Variants in GRAMD2B observed in about 807,000 individuals in gnomAD.
GRAMD2B encodes GRAM domain-containing protein 2B.
In GRAMD2B, 41 loss-of-function variants were observed where a neutral mutation model predicts 59.2. The ratio of observed to expected loss-of-function variants is 0.69; its 90% confidence interval spans 0.54 to 0.90. The LOEUF is 0.90. GRAMD2B is among the 40% of genes least tolerant of loss of function. GRAMD2B has a pLI of 0.00. For missense variants in GRAMD2B, 424 were observed against 500.5 expected (o/e 0.85, Z 1.46); for synonymous variants, 161 against 182.7 (o/e 0.88, Z 0.96).
At chr5:126,438,639 C>T (rs901728157) in intron 1 of GRAMD2B, among the ~76,000 whole-genome samples, 57 of 152,022 alleles carry the variant, frequency 3.7e-4, no homozygotes, top group Non-Finnish European at 1.2e-4. Context: ...GTCTAGGCAC[C>T]GTTGAGGGCC....
In GRAMD2B at chr5:126,485,669, T is replaced by TG. The variant is rs1772770629; in HGVS notation, c.971-16dup. ...GTTATGGTTTTAAACAGTTGTTTTT[T>TG]GTTTTCCTCCCAACAGGTCTGTCAG... On this transcript the variant is annotated splice_polypyrimidine_tract_variant and intron_variant, in intron 10 of 13. Transcript: ENST00000285689. 9 of 1,565,534 alleles carry TG rather than the reference T, an allele frequency of 5.7e-6. No homozygotes were observed. The highest frequency in any genetic ancestry group is 8.8e-7 in the Non-Finnish European group (1 of 1,138,822).
intron 1 of GRAMD2B, among the ~76,000 whole-genome samples, chr5:126,412,002 T>C (rs1033587071): frequency 6.6e-6 from 1 of 151,984 alleles, no homozygotes; most frequent in African/African-American, 2.4e-5. Flanking sequence ...GTTCCAGGAG[T>C]CTTTAGGCAG....
rs777338957 is a variant in GRAMD2B at position 126,473,295 on chromosome 5, T to C, written c.413T>C (p.Leu138Pro). 1.3e-6 allele frequency: 2 copies of C among 1,516,218 alleles called. No homozygotes were observed. The highest frequency in any genetic ancestry group is 8.9e-7 in the Non-Finnish European group (1 of 1,118,770). The allele number at this position is 1,516,218 out of a possible 1,614,324, so 93.9% of individuals were successfully genotyped here. ...SFTCALQKEI[L>P]YQGKLFVSEN... ...ACCTGTGCTCTACAGAAAGAAATAC[T>C]ATACCAAGGAAAGCTCTTTGTATCA... The change falls in exon 5 of 14, where the codon CTA becomes CCA. Residue 138 changes from leucine (L) to proline (P), a missense_variant. Physicochemically the swap from Leu to Pro is moderately conservative, Grantham distance 98. Coordinates refer to ENST00000285689, the MANE Select transcript of GRAMD2B (RefSeq NM_023927.4).
chr5:126,420,508 AC>A (rs1373494712), upstream of GRAMD2B, among the ~76,000 whole-genome samples: 17 of 152,240 alleles, frequency 1.1e-4, no homozygotes, highest in African/African-American at 4.1e-4. Context: ...CTTCAACCTC[AC>A]CTGCTCCTTC....
At chr5:126,473,453 G>A (rs11746520) in intron 5 of GRAMD2B, 85 bp downstream of exon 5, 136,307 of 440,664 alleles carry the variant, frequency 0.31, 22,753 homozygotes, top group African/African-American at 0.5. Flanking sequence ...AGCTATATTT[G>A]TAGATATTTG....
At position 126,452,834 on chromosome 5, in the gene GRAMD2B, G is replaced by A. The variant is rs868060889; in HGVS notation, c.84-12592G>A. On this transcript the variant is annotated intron_variant, in intron 1 of 13. Coordinates refer to ENST00000285689, the MANE Select transcript of GRAMD2B (RefSeq NM_023927.4). ...TTCCAAATTGGTTTCCTTTATGATA[G>A]ACCTCACTAAGTAATGAAAAATTTC... is the stretch of plus-strand genomic sequence containing the variant. 4.1e-4 allele frequency among the ~76,000 whole-genome samples: 63 copies of A among 152,092 alleles called. 1 individual carries two copies. In the Middle Eastern group the frequency reaches 0.014, roughly 33 times the overall value.
At chr5:126,374,467 T>C (rs897011556) in intron 1 of GRAMD2B, among the ~76,000 whole-genome samples, 10 of 152,212 alleles carry the variant, frequency 6.6e-5, no homozygotes, top group African/African-American at 2.4e-4. Context: ...GACGCTGATC[T>C]TTTGTTATGT....
At position 126,473,265 on chromosome 5, in the gene GRAMD2B, G is replaced by A; in HGVS notation, c.383G>A (p.Ser128Asn). 2 of 1,289,998 alleles carry A rather than the reference G, an allele frequency of 1.6e-6. No individual in the cohort carries two copies. Among genetic ancestry groups the A allele is most frequent in the Admixed American group, 2.6e-5 (1 of 38,716 alleles). The allele number at this position is 1,289,998 out of a possible 1,614,324, so 79.9% of individuals were successfully genotyped here. The change falls in exon 5 of 14, where the codon AGC becomes AAC. Residue 128 changes from serine (S) to asparagine (N), a missense_variant and splice_region_variant. By Grantham distance (46) the Ser-to-Asn change is conservative. Transcript: ENST00000285689. ...SVPTEEPLKQ[S>N]FTCALQKEIL... ...GCTGTGCCTGTGTATATTTTCCCAG[G>A]CTTTACCTGTGCTCTACAGAAAGAA... is the stretch of plus-strand genomic sequence containing the variant.
intron 2 of GRAMD2B, 77 bp downstream of exon 2, chr5:126,465,622 T>G: frequency 7.5e-7 from 1 of 1,327,604 alleles, no homozygotes; most frequent in South Asian, 1.3e-5. Context: ...AGGGGTTTTT[T>G]GTTAAGAGTG....
At chr5:126,465,340 T>C in intron 1 of GRAMD2B, 86 bp from the exon 2 acceptor site, 1 of 1,592,234 alleles carries the variant, frequency 6.3e-7, no homozygotes, top group Non-Finnish European at 8.5e-7. Flanking sequence ...CATTCCATTC[T>C]CTAGAAAACC....
chr5:126,363,316 A>G (rs1006823300), intron 1 of GRAMD2B, among the ~76,000 whole-genome samples: 3 of 152,218 alleles, frequency 2.0e-5, no homozygotes, highest in African/African-American at 4.8e-5. Context: ...ACAAAAAAAA[A>G]AGAAGTGTTG....
Position 126,365,206 on chromosome 5 carries a change from A to T in GRAMD2B, c.128+4747A>T, listed in dbSNP as rs554348698. ...AAAAGCAGTATATTTTAAAAACCTTAGTGGCACAAAGTTGTGAATGTAGTT... is the reference window on the plus strand; with the variant it reads ...AAAAGCAGTATATTTTAAAAACCTTTGTGGCACAAAGTTGTGAATGTAGTT... On this transcript the variant is annotated intron_variant, in intron 1 of 13. Coordinates refer to the GRAMD2B transcript ENST00000513040. Among the ~76,000 whole-genome samples, 7 of 152,296 alleles carry T rather than the reference A, an allele frequency of 4.6e-5. No homozygotes were observed. The South Asian group carries it at 1.2e-3, about 27-fold the overall frequency.
Position 126,488,820 on chromosome 5 carries a change from G to A in GRAMD2B, c.1185G>A (p.Leu395=). Residue 395 remains leucine, a synonymous_variant, in exon 13 of 14, where the codon CTG becomes CTA. Coordinates refer to ENST00000285689, the MANE Select transcript of GRAMD2B (RefSeq NM_023927.4). ...HNTEQAAPSG[L]RSQVQFNVEV... Reference sequence around the variant, plus strand: ...ACAGACAGGCAGCACCATCTGGCCTGAGGTCACAAGTACAATTCAATGTGG... The same window carrying A: ...ACAGACAGGCAGCACCATCTGGCCTAAGGTCACAAGTACAATTCAATGTGG... 1 of 1,613,594 alleles carries A rather than the reference G, an allele frequency of 6.2e-7. No individual in the cohort carries two copies. Among genetic ancestry groups the A allele is most frequent in the East Asian group, 2.2e-5 (1 of 44,874 alleles).
chr5:126,445,255 T>A (rs990270133), intron 1 of GRAMD2B, among the ~76,000 whole-genome samples: 2 of 152,092 alleles, frequency 1.3e-5, no homozygotes, highest in African/African-American at 4.8e-5. Flanking sequence ...TGCCTCTGGG[T>A]CTTTAAGGAA....
chr5:126,450,943 G>A (rs2126678274), intron 1 of GRAMD2B, among the ~76,000 whole-genome samples: 1 of 152,388 alleles, frequency 6.6e-6, no homozygotes, highest in East Asian at 1.9e-4. Context: ...CTAGGGCAGT[G>A]CTGAGGGGAA....
At chr5:126,439,244 G>A (rs939781575) in intron 1 of GRAMD2B, among the ~76,000 whole-genome samples, 8 of 151,680 alleles carry the variant, frequency 5.3e-5, no homozygotes, top group African/African-American at 1.7e-4. Flanking sequence ...TGGACTTTCC[G>A]TATGTTGAAA....
At chr5:126,443,663 C>G (rs568312626) in intron 1 of GRAMD2B, among the ~76,000 whole-genome samples, 5 of 152,234 alleles carry the variant, frequency 3.3e-5, no homozygotes, top group Non-Finnish European at 7.3e-5. Flanking sequence ...CTCAGTAAAA[C>G]TGGCTTTCTC....
At chr5:126,451,884 T>G (rs1277177017) in intron 1 of GRAMD2B, among the ~76,000 whole-genome samples, 2 of 152,010 alleles carry the variant, frequency 1.3e-5, no homozygotes, top group African/African-American at 4.8e-5. Flanking sequence ...TGAGATCTGG[T>G]TTTTTGAAAG....
chr5:126,465,648 T>A, intron 2 of GRAMD2B, 103 bp downstream of exon 2: 1 of 960,786 alleles, frequency 1.0e-6, no homozygotes, highest in Non-Finnish European at 1.6e-6. Context: ...GTATTAATAC[T>A]ATAGACAAAT....
Sources: gnomAD v4.1 joint callset for allele counts (sites outside exome capture counted in the v4.1 genomes callset) on GRCh38, gnomAD v4.1.1 for gene constraint, MANE v1.5 for transcripts, NCBI Gene and HGNC (gene_info 2026-07-23, HGNC 2026-07-21) for gene names.